Variants in MDN1 observed in about 807,000 individuals in gnomAD.
MDN1 encodes the protein midasin.
In MDN1, 266 loss-of-function variants were observed where a neutral mutation model predicts 669.2. That is an observed-to-expected ratio of 0.40 (90% CI 0.36 to 0.44). The LOEUF is 0.44. Among genes scored for constraint, MDN1 ranks in the 20% least tolerant of loss-of-function variants. MDN1 has a pLI of 1.00. For missense variants in MDN1, 5,940 were observed against 6,754.0 expected (o/e 0.88, Z 4.22); for synonymous variants, 2,385 against 2,457.1 (o/e 0.97, Z 0.87).
intron 37 of MDN1, among the ~76,000 whole-genome samples, chr6:89,725,911 G>C (rs1815194457): frequency 6.9e-6 from 1 of 145,330 alleles, no homozygotes; most frequent in African/African-American, 2.6e-5. Context: ...GTATGTTAGA[G>C]ATTTTGTCTG....
intron 74 of MDN1, among the ~76,000 whole-genome samples, chr6:89,680,343 G>A (rs1049238364): frequency 6.6e-6 from 1 of 152,164 alleles, no homozygotes; most frequent in Non-Finnish European, 1.5e-5. Flanking sequence ...TATAGACAAG[G>A]CTCTCATAAA....
At chr6:89,673,974 T>G (rs1584149588) in intron 79 of MDN1, 130 bp downstream of exon 79, 7 of 493,938 alleles carry the variant, frequency 1.4e-5, no homozygotes, top group South Asian at 6.2e-5. Flanking sequence ...AACCGACGAG[T>G]TCCCTAGGTT....
At chr6:89,801,214 G>A (rs1767635351) in intron 2 of MDN1, among the ~76,000 whole-genome samples, 1 of 151,754 alleles carries the variant, frequency 6.6e-6, no homozygotes. Context: ...TGGCCAACAT[G>A]GTGAAACCCC....
chr6:89,778,608 G>C (rs992043245), intron 11 of MDN1, among the ~76,000 whole-genome samples: 1 of 152,020 alleles, frequency 6.6e-6, no homozygotes, highest in African/African-American at 2.4e-5. Context: ...AGGGTGACTG[G>C]GCGCAGTGGC....
chr6:89,813,938 A>AT (rs1768631194), intron 1 of MDN1, among the ~76,000 whole-genome samples: 2 of 151,810 alleles, frequency 1.3e-5, no homozygotes, highest in Non-Finnish European at 2.9e-5. Flanking sequence ...AAAAAAAAAA[A>AT]AAAAATTAGC....
chr6:89,801,947 G>A (rs141955999), intron 2 of MDN1, among the ~76,000 whole-genome samples: 1,708 of 151,782 alleles, frequency 0.011, 15 homozygotes, highest in Non-Finnish European at 0.017. Context: ...GGGCAACAGA[G>A]TGAGACTGCT....
intron 40 of MDN1, among the ~76,000 whole-genome samples, chr6:89,721,898 A>G (rs992936004): frequency 3.9e-5 from 6 of 152,380 alleles, no homozygotes; most frequent in Admixed American, 3.3e-4. Context: ...TTCACATTTC[A>G]ACAAGGAGGT....
In MDN1 at chr6:89,692,977, C is replaced by T. The variant is rs1812476618; in HGVS notation, c.10053G>A (p.Leu3351=). The T allele has an allele frequency of 6.8e-6, 11 of 1,614,002 alleles. No individual in the cohort carries two copies. Among genetic ancestry groups the T allele is most frequent in the African/African-American group, 1.3e-5 (1 of 74,938 alleles). ...PAVQDLLTRL[L]QALHIDGPRS... ...GTGGCCCATCTATGTGGAGGGCCTG[C>T]AGAAGCCGTGTGAGCAGATCCTGAA... The change falls in exon 63 of 102, where the codon CTG becomes CTA. Residue 3351 remains leucine, a synonymous_variant. Coordinates refer to ENST00000369393, the MANE Select transcript of MDN1 (RefSeq NM_014611.3).
chr6:89,806,930 C>A (rs1768063400), intron 1 of MDN1, among the ~76,000 whole-genome samples: 1 of 151,856 alleles, frequency 6.6e-6, no homozygotes, highest in Non-Finnish European at 1.5e-5. Context: ...AAATAAAATA[C>A]ATAAAATATA....
intron 88 of MDN1, among the ~76,000 whole-genome samples, chr6:89,661,144 G>A (rs960709426): frequency 6.6e-6 from 1 of 152,244 alleles, no homozygotes; most frequent in Admixed American, 6.5e-5. Flanking sequence ...AGTAATGGCT[G>A]TGAAGAGACA....
At chr6:89,646,289 G>C (rs1043241290) in intron 100 of MDN1, among the ~76,000 whole-genome samples, 1 of 152,076 alleles carries the variant, frequency 6.6e-6, no homozygotes, top group South Asian at 2.1e-4. Context: ...TTATAAATCT[G>C]AACTCAAGTA....
chr6:89,760,071 CAAA>C (rs201177302), intron 17 of MDN1, among the ~76,000 whole-genome samples: 2 of 146,720 alleles, frequency 1.4e-5, no homozygotes, highest in Non-Finnish European at 3.1e-5. Flanking sequence ...GACTCTGTCT[CAAA>C]AAAAAATAAT....
In MDN1 at chr6:89,643,998, T is replaced by G; in HGVS notation, c.*7A>C. The G allele has an allele frequency of 1.3e-6, 2 of 1,596,958 alleles. No homozygotes were observed. Among genetic ancestry groups the G allele is most frequent in the Non-Finnish European group, 1.7e-6 (2 of 1,171,974 alleles). ...GTTAAGTCTCACTTTGGACTCTTCTTTCTGTTCTATGGGTGGTCAGAGGCT... is the reference window on the plus strand; with the variant it reads ...GTTAAGTCTCACTTTGGACTCTTCTGTCTGTTCTATGGGTGGTCAGAGGCT... On this transcript the variant is annotated 3_prime_UTR_variant, in exon 102 of 102. Coordinates refer to ENST00000369393, the MANE Select transcript of MDN1 (RefSeq NM_014611.3).
intron 66 of MDN1, 39 bp downstream of exon 66, chr6:89,688,534 T>A: frequency 6.3e-7 from 1 of 1,576,276 alleles, no homozygotes. Flanking sequence ...CATTGCAGAC[T>A]CAGTACTGTG....
chr6:89,697,309 CATAAA>C (rs1332292672), intron 59 of MDN1, among the ~76,000 whole-genome samples: 1 of 151,812 alleles, frequency 6.6e-6, no homozygotes, highest in Non-Finnish European at 1.5e-5. Flanking sequence ...TAGATTTGAA[CATAAA>C]ATAAAAATAT....
At chr6:89,780,914 G>A (rs1818640435) in intron 10 of MDN1, among the ~76,000 whole-genome samples, 1 of 151,710 alleles carries the variant, frequency 6.6e-6, no homozygotes. Flanking sequence ...CTCCCAAAGT[G>A]CTGGGATTAC....
rs546468358 is a variant in MDN1, at chr6:89,703,371, G to C, written c.8149-1310C>G. 5.4e-4 allele frequency among the ~76,000 whole-genome samples: 51 copies of C among 93,902 alleles called. 1 individual carries two copies. The highest frequency in any genetic ancestry group is 1.7e-3 in the African/African-American group (41 of 24,684). The allele number at this position is 93,902 out of a possible 152,430, so 61.6% of individuals were successfully genotyped here. ...AAATAACTGACCATGTATGGGGAAGGGGGGGGGGTCTATCTGTGAATCCTC... is the reference window on the plus strand; with the variant it reads ...AAATAACTGACCATGTATGGGGAAGCGGGGGGGGTCTATCTGTGAATCCTC... On this transcript the variant is annotated intron_variant, in intron 53 of 101. Coordinates refer to ENST00000369393, the MANE Select transcript of MDN1 (RefSeq NM_014611.3).
At chr6:89,777,240 A>T (rs1318658692) in intron 11 of MDN1, among the ~76,000 whole-genome samples, 1 of 152,196 alleles carries the variant, frequency 6.6e-6, no homozygotes, top group Non-Finnish European at 1.5e-5. Flanking sequence ...TTCATCAAGC[A>T]TTTTTTGTAT....
chr6:89,700,916 GC>G, intron 55 of MDN1, 60 bp from the exon 56 acceptor site: 1 of 1,329,260 alleles, frequency 7.5e-7, no homozygotes, highest in Admixed American at 2.1e-5. Context: ...TTCTTTAGTA[GC>G]CTATACAGGT....
Sources: allele counts gnomAD v4.1 joint callset (sites outside exome capture counted in the v4.1 genomes callset), GRCh38; gene constraint gnomAD v4.1.1; transcripts MANE v1.5; gene names NCBI Gene and HGNC (gene_info 2026-07-23, HGNC 2026-07-21).